Variants in IDI1 observed in about 807,000 individuals in gnomAD.
IDI1 encodes the protein isopentenyl-diphosphate delta isomerase 1, also known as isopentenyl-diphosphate Delta-isomerase 1.
A neutral mutation model predicts 32.9 loss-of-function variants in IDI1; 23 were observed. The ratio of observed to expected loss-of-function variants is 0.70; its 90% CI spans 0.50 to 0.99. The LOEUF (loss-of-function observed/expected upper bound fraction) is 0.99, where lower values mean the gene tolerates loss of function less well. Among genes scored for constraint, IDI1 ranks in the 50% least tolerant of loss-of-function variants. The probability of loss-of-function intolerance (pLI) is 0.00; values close to 1 mark genes in which losing one functional copy is unlikely to be tolerated. For synonymous variants in IDI1, 133 were observed against 128.2 expected, an observed-to-expected ratio of 1.04 and a Z score of -0.25; for missense variants, 326 against 351.9, an observed-to-expected ratio of 0.93 and a Z score of 0.59.
chr10:1,041,302 T>G lies in IDI1; in HGVS notation c.740A>C (p.Glu247Ala), dbSNP rs1444895920. Residue 247 changes from glutamate (E) to alanine (A), a missense_variant, in exon 5 of 5, where the codon GAA becomes GCA. Around this residue, in one of 2 missense-constraint regions of IDI1, gnomAD observed 205 missense variants for 273.5 expected, o/e 0.75. Coordinates refer to ENST00000381344, the MANE Select transcript of IDI1 (RefSeq NM_004508.4). ...TTTAAACCATGGCGTTATCTTAATTTCACCACTGGCTGCTTTTTTCAGAAG... is the reference window on the plus strand; with the variant it reads ...TTTAAACCATGGCGTTATCTTAATTGCACCACTGGCTGCTTTTTTCAGAAG... ...KELLKKAASG[E>A]IKITPWFKII... The G allele has an allele frequency of 5.0e-6, 8 of 1,613,560 alleles. No homozygotes were observed. The highest frequency in any genetic ancestry group is 5.9e-6 in the Non-Finnish European group (7 of 1,179,670).
At chr10:1,042,920 T>C (rs1306587438) in intron 3 of IDI1, among the ~76,000 whole-genome samples, 158 bp from the exon 4 acceptor site, 1 of 150,476 alleles carries the variant, frequency 6.6e-6, no homozygotes, top group East Asian at 1.9e-4. Context: ...GATTTTAAAA[T>C]TGGTTATAAT....
intron 1 of IDI1, 104 bp from the exon 2 acceptor site, chr10:1,044,275 A>G (rs1832729942): frequency 1.3e-6 from 1 of 792,684 alleles, no homozygotes; most frequent in Non-Finnish European, 2.0e-6. Context: ...CAGTTGTACC[A>G]CTCTGCATCC....
chr10:1,052,507 C>G (rs925188573), upstream of IDI1, among the ~76,000 whole-genome samples: 2 of 152,210 alleles, frequency 1.3e-5, no homozygotes, highest in Non-Finnish European at 2.9e-5. Context: ...GGCATGAAAT[C>G]AACATGAATC....
upstream of IDI1, chr10:1,049,242 T>A: frequency 1.7e-6 from 1 of 605,694 alleles, no homozygotes; most frequent in Non-Finnish European, 2.7e-6. Flanking sequence ...CCAATCACGC[T>A]TTCGATCCTG....
At chr10:1,048,747 C>T in intron 1 of IDI1, 117 bp downstream of exon 1, 2 of 1,485,930 alleles carry the variant, frequency 1.3e-6, no homozygotes, top group Non-Finnish European at 1.8e-6. Flanking sequence ...CTGTCCAGGC[C>T]TCCGCGCCGA....
Position 1,041,012 on chromosome 10 carries a change from G to A in IDI1, c.*175C>T. ...CAGGGTGTGTGATACAAAATTATAA[G>A]TTAGTTTTTTCCACACAAGTTTTAA... On this transcript the variant is annotated 3_prime_UTR_variant, in exon 5 of 5. Coordinates refer to ENST00000381344, the MANE Select transcript of IDI1 (RefSeq NM_004508.4). 2.0e-6 allele frequency: 1 copy of A among 507,352 alleles called. No homozygotes were observed. The highest frequency in any genetic ancestry group is 3.5e-5 in the South Asian group (1 of 28,548). The allele number at this position is 507,352 out of a possible 1,614,324, so 31.4% of individuals were successfully genotyped here. A position where few individuals can be genotyped will look rare whatever the true frequency, so the allele number is the denominator to read the frequency against.
In IDI1 at chr10:1,040,988, A is replaced by G. The variant is rs1274183032; in HGVS notation, c.*199T>C. 4 of 483,122 alleles carry G rather than the reference A, an allele frequency of 8.3e-6. No individual in the cohort carries two copies. The highest frequency in any genetic ancestry group is 1.9e-5 in the African/African-American group (1 of 51,312). 29.9% of individuals were successfully genotyped at this position (483,122 alleles called of 1,614,324 possible). ...TCGCTTAGAAACAGAACACATATCC[A>G]GGGTGTGTGATACAAAATTATAAGT... On this transcript the variant is annotated 3_prime_UTR_variant, in exon 5 of 5. Coordinates refer to ENST00000381344, the MANE Select transcript of IDI1 (RefSeq NM_004508.4).
At chr10:1,055,508 GCTTT>G in the IDI1 span, among the ~76,000 whole-genome samples, 1 of 152,228 alleles carries the variant, frequency 6.6e-6, no homozygotes, top group Non-Finnish European at 1.5e-5. Flanking sequence ...GATTTACAAA[GCTTT>G]CTATTTGCTG....
chr10:1,045,866 G>GGTGTGT (rs10598743), intron 1 of IDI1, among the ~76,000 whole-genome samples: 494 of 151,050 alleles, frequency 3.3e-3, no homozygotes, highest in Admixed American at 6.5e-3. Context: ...ATAGGGTCTG[G>GGTGTGT]GTGTGTGTGT....
Position 1,044,191 on chromosome 10 carries a change from GAA to G in IDI1, c.141-22_141-21del. On this transcript the variant is annotated intron_variant, in intron 1 of 4. Coordinates refer to ENST00000381344, the MANE Select transcript of IDI1 (RefSeq NM_004508.4). The stretch of plus-strand genomic sequence containing the variant: ...AGAACACTAATATTAAAGGAAAAGA[GAA>G]AGAAAGGCCATCATATATTTTTCTG... 6.4e-7 allele frequency: 1 copy of G among 1,573,332 alleles called. No homozygotes were observed. The highest frequency in any genetic ancestry group is 8.7e-7 in the Non-Finnish European group (1 of 1,153,496).
At chr10:1,052,336 A>C (rs1459617250), upstream of IDI1, among the ~76,000 whole-genome samples, 1 of 152,242 alleles carries the variant, frequency 6.6e-6, no homozygotes, top group Non-Finnish European at 1.5e-5. Context: ...CATCCACAAG[A>C]AGCAACTGCT....
At chr10:1,050,309 G>T (rs1384659251), upstream of IDI1, among the ~76,000 whole-genome samples, 1 of 152,164 alleles carries the variant, frequency 6.6e-6, no homozygotes, top group African/African-American at 2.4e-5. Context: ...TCTCTTTCAT[G>T]TCTGGCTTCA....
At chr10:1,043,895 C>T (rs1357000972) in intron 2 of IDI1, 104 bp downstream of exon 2, 12 of 925,984 alleles carry the variant, frequency 1.3e-5, no homozygotes, top group East Asian at 2.4e-5. Flanking sequence ...CGAGAAAATA[C>T]GGTATTACTG....
chr10:1,042,715 C>T lies in IDI1; in HGVS notation c.454G>A (p.Glu152Lys), dbSNP rs756264901. The change falls in exon 4 of 5, where the codon GAG becomes AAG. Residue 152 changes from glutamate to lysine, a missense_variant. This residue lies in a region of IDI1 where 205 missense variants were observed against 273.5 expected (regional missense o/e 0.75). Transcript: ENST00000381344. ...CCSHPLSNPA[E>K]LEESDALGVR... is the part of the protein sequence containing the mutation. ...CCAAGGGCGTCACTTTCCTCAAGCTCGGCTGGATTGCTTAATGGATGACTA... is the reference window on the plus strand; with the variant it reads ...CCAAGGGCGTCACTTTCCTCAAGCTTGGCTGGATTGCTTAATGGATGACTA... 6.2e-6 allele frequency: 10 copies of T among 1,613,734 alleles called. No individual in the cohort carries two copies. Among genetic ancestry groups the T allele is most frequent in the East Asian group, 2.2e-5 (1 of 44,874 alleles).
chr10:1,056,493 G>A, the IDI1 span: 1 of 152,098 alleles, frequency 6.6e-6, no homozygotes, highest in African/African-American at 2.4e-5. Context: ...CAGGCGGACC[G>A]CGCCCCGGGC....
Position 1,042,655 on chromosome 10 carries a change from C to G in IDI1, c.514G>C (p.Glu172Gln). Residue 172 changes from glutamate (E) to glutamine (Q), a missense_variant, in exon 4 of 5, where the codon GAG becomes CAG. Glu to Gln is a conservative substitution (Grantham distance 29). Around this residue, in one of 2 missense-constraint regions of IDI1, gnomAD observed 205 missense variants for 273.5 expected, o/e 0.75. Coordinates refer to ENST00000381344, the MANE Select transcript of IDI1 (RefSeq NM_004508.4). ...ACCTCTTCCAAGGGAATTCCTAGCT[C>G]AGCTTTCAGCCGTCTCTGTGCTGCT... ...RRAAQRRLKAELGIPLEEVPP... is the reference protein window; with the variant it reads ...RRAAQRRLKAQLGIPLEEVPP... The G allele has an allele frequency of 1.9e-6, 3 of 1,613,998 alleles. No homozygotes were observed. The highest frequency in any genetic ancestry group is 2.5e-6 in the Non-Finnish European group (3 of 1,179,966).
At chr10:1,053,669 G>T (rs1352448513), upstream of IDI1, among the ~76,000 whole-genome samples, 1 of 151,842 alleles carries the variant, frequency 6.6e-6, no homozygotes, top group East Asian at 1.9e-4. Flanking sequence ...TTGATTTAAA[G>T]TAAGAGATGT....
At chr10:1,046,250 C>G (rs1832805965) in intron 1 of IDI1, among the ~76,000 whole-genome samples, 1 of 152,214 alleles carries the variant, frequency 6.6e-6, no homozygotes, top group Non-Finnish European at 1.5e-5. Flanking sequence ...ACTGCATATA[C>G]TACAGTGGTT....
chr10:1,042,894 CAG>C (rs985100700), intron 3 of IDI1, 132 bp from the exon 4 acceptor site: 47 of 716,684 alleles, frequency 6.6e-5, no homozygotes, highest in Non-Finnish European at 8.7e-5. Flanking sequence ...AATGGGCTAT[CAG>C]TAATTATTTT....
Sources: gnomAD v4.1 joint callset for allele counts (sites outside exome capture counted in the v4.1 genomes callset) on GRCh38, gnomAD v4.1.1 for gene constraint, gnomAD v4.1.1 regional missense constraint, MANE v1.5 for transcripts, NCBI Gene and HGNC (gene_info 2026-07-23, HGNC 2026-07-21) for gene names.